SCN7A: variants seen among roughly 807,000 people sequenced by gnomAD.
SCN7A encodes the protein sodium channel protein type 7 subunit alpha.
In SCN7A, 138 loss-of-function variants were observed where a neutral mutation model predicts 155.2. The ratio of observed to expected loss-of-function variants is 0.89; its 90% CI spans 0.77 to 1.02. The LOEUF is 1.02. Ranked by LOEUF, SCN7A falls within the 50% of genes least tolerant of loss-of-function variation. SCN7A has a pLI of 0.00. For synonymous variants in SCN7A, 693 were observed against 649.0 expected (o/e 1.07, Z -1.03); for missense variants, 2,058 against 1,986.6 (o/e 1.04, Z -0.68).
intron 21 of SCN7A, among the ~76,000 whole-genome samples, chr2:166,416,441 C>A (rs1379956410): frequency 6.6e-6 from 1 of 152,066 alleles, no homozygotes; most frequent in Non-Finnish European, 1.5e-5. Flanking sequence ...TGATGTCACC[C>A]CCGGCGGCCC....
Position 166,416,697 on chromosome 2 carries a change from G to A in SCN7A, c.3414+10C>T, listed in dbSNP as rs760938391. 1 of 1,589,522 alleles carries A rather than the reference G, an allele frequency of 6.3e-7. No individual in the cohort carries two copies. Among genetic ancestry groups the A allele is most frequent in the South Asian group, 1.1e-5 (1 of 87,360 alleles). On this transcript the variant is annotated intron_variant, in intron 21 of 25. Transcript: ENST00000643258. ...TATAATTAATAAGGAAAAGTCAAAA[G>A]TGTACTTACTACTTGAAGCAGAGAA...
chr2:166,423,130 G>T, intron 19 of SCN7A, 129 bp downstream of exon 19: 1 of 834,678 alleles, frequency 1.2e-6, no homozygotes, highest in Non-Finnish European at 1.8e-6. Flanking sequence ...AACTAAGAAA[G>T]GTGTCATGTA....
intron 7 of SCN7A, among the ~76,000 whole-genome samples, chr2:166,469,773 T>C (rs943312475): frequency 6.6e-6 from 1 of 151,924 alleles, no homozygotes; most frequent in Non-Finnish European, 1.5e-5. Flanking sequence ...CTTCACTAGA[T>C]TTGGTAAAGC....
Position 166,443,613 on chromosome 2 carries a change from AC to A in SCN7A, c.1689del (p.Tyr564IlefsTer4), listed in dbSNP as rs1193639208. 3 of 1,574,434 alleles carry A rather than the reference AC, an allele frequency of 1.9e-6. No individual in the cohort carries two copies. Among genetic ancestry groups the A allele is most frequent in the Non-Finnish European group, 1.7e-6 (2 of 1,158,878 alleles). ...AAAATGTTCCAACCTACTTGGAAAT[AC>A]CCATATGGATGCATTGCAATTATTT... Reference protein sequence around the residue: ...IFKIIAMHPYGYFQVGWNIFD... With the variant: ...IFKIIAMHPYXYFQVGWNIFD... On this transcript the variant is annotated frameshift_variant, in exon 14 of 26. Transcript: ENST00000643258. LOFTEE classifies it high-confidence loss of function.
Position 166,448,036 on chromosome 2 carries a change from T to A in SCN7A, c.1291-328A>T, listed in dbSNP as rs143130486. On this transcript the variant is annotated intron_variant, in intron 11 of 25. Transcript: ENST00000643258. ...ATTAATTAGAGTCACTGTACTATACTATTGAACACTAGATCTTATTCCTTC... is the reference window on the plus strand; with the variant it reads ...ATTAATTAGAGTCACTGTACTATACAATTGAACACTAGATCTTATTCCTTC... 7.2e-4 allele frequency among the ~76,000 whole-genome samples: 110 copies of A among 152,298 alleles called. 1 individual carries two copies. The East Asian group carries it at 0.018, about 25-fold the overall frequency.
chr2:166,418,269 C>T (rs185321792), intron 20 of SCN7A, among the ~76,000 whole-genome samples: 6 of 146,012 alleles, frequency 4.1e-5, no homozygotes, highest in Admixed American at 1.4e-4. Context: ...TACAGGCACA[C>T]GCCACCCCGC....
chr2:166,456,726 G>GACC (rs1265480168), intron 11 of SCN7A, 144 bp downstream of exon 11: 5 of 380,036 alleles, frequency 1.3e-5, no homozygotes, highest in Non-Finnish European at 2.2e-5. Context: ...ACCACCATGG[G>GACC]ACCAGCAATG....
chr2:166,427,919 C>A lies in SCN7A; in HGVS notation c.2722G>T (p.Gly908Cys). ...KNGCRRGSSL[G>C]QISGASKKGK... ...TTCTTGGATGCTCCACTGATTTGAC[C>A]AAGTGAAGATCCGCGTCTGCAACCT... The change falls in exon 18 of 26, where the codon GGT (glycine) becomes TGT (cysteine). Residue 908 changes from glycine to cysteine, a missense_variant. Physicochemically the swap from Gly to Cys is radical, Grantham distance 159. Coordinates refer to ENST00000643258, the MANE Select transcript of SCN7A (RefSeq NM_002976.4). 6.2e-7 allele frequency: 1 copy of A among 1,612,712 alleles called. No homozygotes were observed.
intron 10 of SCN7A, among the ~76,000 whole-genome samples, chr2:166,457,585 C>T (rs1702313571): frequency 6.6e-6 from 1 of 152,078 alleles, no homozygotes; most frequent in African/African-American, 2.4e-5. Context: ...ATTTCTTTGC[C>T]TGTCAAAGTA....
chr2:166,447,605 A>T lies in SCN7A; in HGVS notation c.1387+7T>A, dbSNP rs1364507901. On this transcript the variant is annotated splice_region_variant and intron_variant, in intron 12 of 25. Transcript: ENST00000643258. ...AATAGTGAGTGTCTACTTATTTAGTACTTTACCTTCCTTATGTCTGAGAGT... is the reference window on the plus strand; with the variant it reads ...AATAGTGAGTGTCTACTTATTTAGTTCTTTACCTTCCTTATGTCTGAGAGT... 3 of 1,581,344 alleles carry T rather than the reference A, an allele frequency of 1.9e-6. No individual in the cohort carries two copies. Among genetic ancestry groups the T allele is most frequent in the Non-Finnish European group, 2.6e-6 (3 of 1,151,374 alleles).
At position 166,405,320 on chromosome 2, in the gene SCN7A, C is replaced by A; in HGVS notation, c.*260G>T. On this transcript the variant is annotated 3_prime_UTR_variant, in exon 26 of 26. Transcript: ENST00000643258. Reference sequence around the variant, plus strand: ...CCTAGAAGGCACACATCATATAAGCCATGTAGAGAAAACAAATATGAGATT... The same window carrying A: ...CCTAGAAGGCACACATCATATAAGCAATGTAGAGAAAACAAATATGAGATT... The A allele has an allele frequency of 2.5e-6, 1 of 398,784 alleles. No homozygotes were observed. Among genetic ancestry groups the A allele is most frequent in the Non-Finnish European group, 4.4e-6 (1 of 226,486 alleles). The allele number at this position is 398,784 out of a possible 1,614,324, so 24.7% of individuals were successfully genotyped here. A position where few individuals can be genotyped will look rare whatever the true frequency, so the allele number is the denominator to read the frequency against.
Position 166,432,421 on chromosome 2 carries a change from G to C in SCN7A, c.2489C>G (p.Pro830Arg). The C allele has an allele frequency of 6.2e-7, 1 of 1,613,556 alleles. No individual in the cohort carries two copies. ...ENESQSLIPS[P>R]SVSETVPIAS... The stretch of plus-strand genomic sequence containing the variant: ...AATTGGTACAGTTTCTGAGACACTA[G>C]GACTGGGGATAAGTGATTGGCTCTC... The change falls in exon 16 of 26, where the codon CCT becomes CGT. Residue 830 changes from proline (P) to arginine (R), a missense_variant. By Grantham distance (103) the Pro-to-Arg change is moderately radical (BLOSUM62 -2). Transcript: ENST00000643258.
intron 21 of SCN7A, among the ~76,000 whole-genome samples, chr2:166,413,983 A>G (rs181919410): frequency 0.042 from 3,254 of 77,050 alleles, 236 homozygotes; most frequent in Non-Finnish European, 0.059. Flanking sequence ...GTGTATGTGT[A>G]TATATATATA....
chr2:166,423,528 C>T (rs1701557673), intron 18 of SCN7A, 96 bp from the exon 19 acceptor site: 1 of 1,329,886 alleles, frequency 7.5e-7, no homozygotes, highest in East Asian at 2.7e-5. Context: ...CTCTAATAGG[C>T]ATATGGTGAG....
At chr2:166,480,971 G>A (rs11902757) in intron 2 of SCN7A, among the ~76,000 whole-genome samples, 77 of 152,146 alleles carry the variant, frequency 5.1e-4, no homozygotes, top group African/African-American at 1.7e-3. Context: ...CTCACAAGAA[G>A]AAAAAATACG....
chr2:166,482,136 G>A (rs944525952), intron 2 of SCN7A, among the ~76,000 whole-genome samples: 2 of 152,106 alleles, frequency 1.3e-5, no homozygotes, highest in Non-Finnish European at 2.9e-5. Context: ...TGATATAAAA[G>A]TCTGACTGAA....
chr2:166,488,097 G>A (rs553019109), intron 1 of SCN7A, among the ~76,000 whole-genome samples: 5 of 152,172 alleles, frequency 3.3e-5, no homozygotes, highest in Non-Finnish European at 7.4e-5. Context: ...AATCTGTATT[G>A]TTGAGAATGT....
chr2:166,445,460 C>T (rs1024405892), intron 12 of SCN7A, among the ~76,000 whole-genome samples: 1 of 152,054 alleles, frequency 6.6e-6, no homozygotes, highest in Non-Finnish European at 1.5e-5. Context: ...CTTTTGCATG[C>T]AAAGGGAGAT....
In SCN7A at chr2:166,477,557, C is replaced by T. The variant is rs1459887308; in HGVS notation, c.140G>A (p.Gly47Asp). 1.3e-6 allele frequency: 2 copies of T among 1,571,266 alleles called. No homozygotes were observed. The highest frequency in any genetic ancestry group is 1.2e-5 in the South Asian group (1 of 85,922). Reference sequence around the variant, plus strand: ...TCCATAAATAAATGGAAGCTTTTTGCCAACTTCCAAATCAGGAGTTGGCTT... The same window carrying T: ...TCCATAAATAAATGGAAGCTTTTTGTCAACTTCCAAATCAGGAGTTGGCTT... The part of the protein sequence containing the change: ...DLKPTPDLEV[G>D]KKLPFIYGNL... Residue 47 changes from glycine (G) to aspartate (D), a missense_variant, in exon 3 of 26, where the codon GGC becomes GAC. Gly to Asp is a moderately conservative substitution (Grantham distance 94). Transcript: ENST00000643258.
Sources: allele counts gnomAD v4.1 joint callset (sites outside exome capture counted in the v4.1 genomes callset), GRCh38; gene constraint gnomAD v4.1.1; transcripts MANE v1.5; gene names NCBI Gene and HGNC (gene_info 2026-07-23, HGNC 2026-07-21).